Variants in IFT80 observed in about 807,000 individuals in gnomAD.
IFT80 encodes intraflagellar transport 80.
A neutral mutation model predicts 107.9 loss-of-function variants in IFT80; 79 were observed. The observed-to-expected ratio is 0.73, with a 90% CI of 0.61 to 0.88. The LOEUF (loss-of-function observed/expected upper bound fraction) is 0.88. Among genes scored for constraint, IFT80 ranks in the 40% least tolerant of loss-of-function variants. The probability of loss-of-function intolerance (pLI) is 0.00; values close to 1 mark genes in which losing one functional copy is unlikely to be tolerated. For synonymous variants in IFT80, 299 were observed against 300.9 expected (o/e 0.99, Z 0.07); for missense variants, 797 against 914.2 (o/e 0.87, Z 1.65).
chr3:160,285,789 G>A lies in IFT80; in HGVS notation c.1380+15C>T, dbSNP rs772668269. On this transcript the variant is annotated intron_variant, in intron 13 of 19. Coordinates refer to ENST00000326448, the MANE Select transcript of IFT80 (RefSeq NM_020800.3). ...ATAGTGGCTATTTACATTAGAAGTAGTTAATGTCCATTACCTTATGAGAAA... is the reference window on the plus strand; with the variant it reads ...ATAGTGGCTATTTACATTAGAAGTAATTAATGTCCATTACCTTATGAGAAA... The A allele has an allele frequency of 1.4e-5, 21 of 1,529,204 alleles. No homozygotes were observed. Among genetic ancestry groups the A allele is most frequent in the Admixed American group, 3.4e-5 (2 of 59,208 alleles). The allele number at this position is 1,529,204 out of a possible 1,614,324, so 94.7% of individuals were successfully genotyped here. A position where few individuals can be genotyped will look rare whatever the true frequency, so the allele number is the denominator to read the frequency against.
intron 3 of IFT80, among the ~76,000 whole-genome samples, chr3:160,379,538 T>G (rs1465708543): frequency 6.6e-6 from 1 of 152,132 alleles, no homozygotes; most frequent in East Asian, 1.9e-4. Flanking sequence ...CTCTCACATC[T>G]TTCAGAAAAA....
intron 8 of IFT80, among the ~76,000 whole-genome samples, chr3:160,349,105 T>C (rs2108348982): frequency 7.0e-6 from 1 of 142,744 alleles, no homozygotes; most frequent in Middle Eastern, 3.5e-3. Context: ...TGTATCCTGA[T>C]AAATTTGTTT....
intron 14 of IFT80, among the ~76,000 whole-genome samples, chr3:160,281,762 T>C (rs1272911075): frequency 1.3e-5 from 2 of 152,150 alleles, no homozygotes; most frequent in African/African-American, 2.4e-5. Context: ...TGTATAACTT[T>C]AGTAAACACA....
At chr3:160,297,769 A>G (rs1716098603) in intron 12 of IFT80, among the ~76,000 whole-genome samples, 1 of 152,116 alleles carries the variant, frequency 6.6e-6, no homozygotes, top group African/African-American at 2.4e-5. Context: ...TTTTTAAACA[A>G]TAGCAGCCTT....
At chr3:160,352,728 T>A (rs559213377) in intron 8 of IFT80, among the ~76,000 whole-genome samples, 9 of 152,268 alleles carry the variant, frequency 5.9e-5, no homozygotes, top group African/African-American at 2.2e-4. Context: ...GAACAGGGCA[T>A]CACATCATGA....
intron 19 of IFT80, among the ~76,000 whole-genome samples, chr3:160,265,850 C>T (rs1242058613): frequency 1.3e-5 from 2 of 152,052 alleles, no homozygotes; most frequent in African/African-American, 4.8e-5. Flanking sequence ...TTCTATTTAA[C>T]TCTTAGTTCT....
At chr3:160,382,717 T>C (rs1712617837) in intron 2 of IFT80, among the ~76,000 whole-genome samples, 2 of 152,202 alleles carry the variant, frequency 1.3e-5, no homozygotes, top group Non-Finnish European at 2.9e-5. Flanking sequence ...TTCCTTCTTT[T>C]CTCACCAATA....
chr3:160,370,928 A>G (rs1478165774), intron 5 of IFT80, among the ~76,000 whole-genome samples: 2 of 152,092 alleles, frequency 1.3e-5, no homozygotes, highest in Non-Finnish European at 2.9e-5. Context: ...CTTACTGGCC[A>G]CCTCTATTTA....
At chr3:160,384,309 G>A (rs1372750463) in intron 2 of IFT80, 30 of 682,382 alleles carry the variant, frequency 4.4e-5, no homozygotes, top group Non-Finnish European at 5.4e-5. Flanking sequence ...TGCTTTTTAA[G>A]TATTTAAGTA....
At chr3:160,344,187 T>C (rs1489377624) in intron 8 of IFT80, among the ~76,000 whole-genome samples, 2 of 152,222 alleles carry the variant, frequency 1.3e-5, no homozygotes, top group Admixed American at 6.5e-5. Flanking sequence ...TGGGGGTATG[T>C]ACCCTTCTTT....
intron 8 of IFT80, among the ~76,000 whole-genome samples, chr3:160,348,125 CTTT>C (rs962291064): frequency 6.6e-6 from 1 of 151,924 alleles, no homozygotes; most frequent in African/African-American, 2.4e-5. Context: ...TTATTTACTT[CTTT>C]ATTTTATATT....
At chr3:160,391,878 A>G (rs1017394433) in intron 1 of IFT80, among the ~76,000 whole-genome samples, 1 of 152,202 alleles carries the variant, frequency 6.6e-6, no homozygotes, top group Non-Finnish European at 1.5e-5. Context: ...AATTACTGTC[A>G]TCAACAGCTA....
At chr3:160,328,460 T>TAA (rs1370087149) in intron 8 of IFT80, among the ~76,000 whole-genome samples, 1 of 44,954 alleles carries the variant, frequency 2.2e-5, no homozygotes. Flanking sequence ...AGACTCCATC[T>TAA]CAAAAAAAAA....
intron 18 of IFT80, among the ~76,000 whole-genome samples, chr3:160,274,155 C>T (rs755525485): frequency 3.5e-4 from 53 of 152,104 alleles, no homozygotes; most frequent in Non-Finnish European, 4.1e-4. Context: ...CCTTAAAGGA[C>T]TGGAGATTTT....
intron 12 of IFT80, among the ~76,000 whole-genome samples, chr3:160,293,419 G>C (rs1474373569): frequency 1.3e-5 from 2 of 152,170 alleles, no homozygotes; most frequent in Non-Finnish European, 1.5e-5. Context: ...GTTGGTAAGA[G>C]TATAATACTG....
At chr3:160,386,360 A>C (rs1335711776) in intron 1 of IFT80, among the ~76,000 whole-genome samples, 2 of 152,208 alleles carry the variant, frequency 1.3e-5, no homozygotes, top group African/African-American at 4.8e-5. Flanking sequence ...TGAACGCTGC[A>C]TTGAGGTGTT....
At chr3:160,299,511 A>G (rs973376024) in intron 12 of IFT80, among the ~76,000 whole-genome samples, 1 of 152,042 alleles carries the variant, frequency 6.6e-6, no homozygotes, top group Non-Finnish European at 1.5e-5. Flanking sequence ...AATATTTAAT[A>G]TTTTTCACTA....
chr3:160,333,161 T>C (rs904309851), intron 8 of IFT80, among the ~76,000 whole-genome samples: 1 of 152,126 alleles, frequency 6.6e-6, no homozygotes, highest in East Asian at 1.9e-4. Flanking sequence ...AAATACATCA[T>C]TAAAACATAA....
At chr3:160,398,598 G>A (rs1714063998) in intron 1 of IFT80, among the ~76,000 whole-genome samples, 1 of 152,026 alleles carries the variant, frequency 6.6e-6, no homozygotes, top group South Asian at 2.1e-4. Flanking sequence ...AATGTCAGGC[G>A]AGTTATGAAC....
Sources: gnomAD v4.1 joint callset for allele counts (sites outside exome capture counted in the v4.1 genomes callset) on GRCh38, gnomAD v4.1.1 for gene constraint, MANE v1.5 for transcripts, NCBI Gene and HGNC (gene_info 2026-07-23, HGNC 2026-07-21) for gene names.